The following PAQR4 variants were observed in gnomAD, a reference collection of about 807,000 sequenced individuals.
The protein encoded by PAQR4 is progestin and adipoQ receptor family member 4.
PAQR4 carries 26 observed loss-of-function variants against 20.9 expected under a neutral mutation model. The observed-to-expected ratio is 1.24, with a 90% confidence interval of 0.91 to 1.73. The LOEUF (loss-of-function observed/expected upper bound fraction) is 1.73, where lower values mean the gene tolerates loss of function less well. PAQR4 is among the 40% of genes most tolerant of loss of function. PAQR4 has a pLI of 0.00. For synonymous variants in PAQR4, 193 were observed against 171.6 expected (o/e 1.12, Z -0.97); for missense variants, 400 against 380.1 (o/e 1.05, Z -0.44).
In PAQR4 at chr16:2,972,745, C is replaced by T. The variant is rs373070106; in HGVS notation, c.*797C>T. The T allele has an allele frequency of 2.3e-5, 36 of 1,536,986 alleles. No individual in the cohort carries two copies. The highest frequency in any genetic ancestry group is 1.1e-4 in the African/African-American group (8 of 72,966). ...CTGCAGCAGGGCTCAGCCTCAGGGG[C>T]GTTAAGACCCTGGATGACATCAATA... is the stretch of plus-strand genomic sequence containing the variant. On this transcript the variant is annotated 3_prime_UTR_variant, in exon 3 of 3. Transcript: ENST00000318782.
Position 2,969,564 on chromosome 16 carries a change from T to TGGGCGCCGGGCGCCGGGC in PAQR4, c.-109_-92dup. 1 of 1,254,118 alleles carries TGGGCGCCGGGCGCCGGGC rather than the reference T, an allele frequency of 8.0e-7. No homozygotes were observed. Among genetic ancestry groups the TGGGCGCCGGGCGCCGGGC allele is most frequent in the Middle Eastern group, 2.9e-4 (1 of 3,440 alleles). 77.7% of individuals were successfully genotyped at this position (1,254,118 alleles called of 1,614,324 possible). On this transcript the variant is annotated 5_prime_UTR_variant, in exon 1 of 3. Coordinates refer to ENST00000318782, the MANE Select transcript of PAQR4 (RefSeq NM_152341.5). ...CGCCGATCGAGCGCAGGGCGATGGG[T>TGGGCGCCGGGCGCCGGGC]GGGCGCCGGGCGCCGGGCGCCAGGC...
rs977012588 is a variant in PAQR4 at position 2,971,545 on chromosome 16, C to T, written c.419C>T (p.Ala140Val). The change falls in exon 3 of 3, where the codon GCC (alanine) becomes GTC (valine). Residue 140 changes from alanine (A) to valine (V), a missense_variant. By Grantham distance (64) the Ala-to-Val change is moderately conservative (BLOSUM62 0). Transcript: ENST00000318782. ...CTGCCCATCATCCACTGCACCCTGG[C>T]CTGCAGGCCCTGGCTGCGCCCGGCT... is the stretch of plus-strand genomic sequence containing the variant. ...GALPIIHCTLACRPWLRPAAL... is the reference protein window; with the variant it reads ...GALPIIHCTLVCRPWLRPAAL... 1.4e-5 allele frequency: 23 copies of T among 1,592,808 alleles called. No homozygotes were observed. Among genetic ancestry groups the T allele is most frequent in the Non-Finnish European group, 2.0e-5 (23 of 1,175,166 alleles).
rs766356438 is a variant in PAQR4 at position 2,971,587 on chromosome 16, CTG to C, written c.465_466del (p.Leu156ValfsTer78). On this transcript the variant is annotated frameshift_variant, in exon 3 of 3. Coordinates refer to ENST00000318782, the MANE Select transcript of PAQR4 (RefSeq NM_152341.5). LOFTEE classifies it high-confidence loss of function. The stretch of plus-strand genomic sequence containing the variant: ...CGCCCGGCTGCCCTGGTGGGCTACA[CTG>C]TGTTGTCGGGTGTGGCCGGCTGGCG... 5.2e-5 allele frequency: 84 copies of C among 1,601,630 alleles called. 1 individual carries two copies. In the South Asian group the frequency reaches 8.1e-4, roughly 15 times the overall value.
In PAQR4 at chr16:2,971,594, G is replaced by A. The variant is rs1379306730; in HGVS notation, c.468G>A (p.Leu156=). 6.2e-7 allele frequency: 1 copy of A among 1,602,244 alleles called. No individual in the cohort carries two copies. Among genetic ancestry groups the A allele is most frequent in the Non-Finnish European group, 8.5e-7 (1 of 1,179,786 alleles). The change falls in exon 3 of 3, where the codon TTG becomes TTA. Residue 156 remains leucine, a synonymous_variant. Coordinates refer to ENST00000318782, the MANE Select transcript of PAQR4 (RefSeq NM_152341.5). The part of the protein sequence containing the change: ...RPAALVGYTV[L]SGVAGWRALT... The stretch of plus-strand genomic sequence containing the variant: ...CTGCCCTGGTGGGCTACACTGTGTT[G>A]TCGGGTGTGGCCGGCTGGCGTGCTC...
In PAQR4 at chr16:2,971,305, C is replaced by A; in HGVS notation, c.315C>A (p.His105Gln). The change falls in exon 2 of 3, where the codon CAC (histidine) becomes CAA (glutamine). Residue 105 changes from histidine (H) to glutamine (Q), a missense_variant. Transcript: ENST00000318782. ...TGCTCTATCACCTCTTTATGTGCCACCAAGGGGGCAGCGCTGTGTACGCCC... is the reference window on the plus strand; with the variant it reads ...TGCTCTATCACCTCTTTATGTGCCAACAAGGGGGCAGCGCTGTGTACGCCC... Reference protein sequence around the residue: ...GSVLYHLFMCHQGGSAVYARL... With the variant: ...GSVLYHLFMCQQGGSAVYARL... The A allele has an allele frequency of 6.2e-7, 1 of 1,612,740 alleles. No individual in the cohort carries two copies. The highest frequency in any genetic ancestry group is 8.5e-7 in the Non-Finnish European group (1 of 1,180,016).
chr16:2,973,453 G>A lies in PAQR4; in HGVS notation c.*1505G>A. The stretch of plus-strand genomic sequence containing the variant: ...CTTTTCAGAACACATGGACTTGGAG[G>A]CAGATTTGAAATAAACTTTTAGTAA... On this transcript the variant is annotated 3_prime_UTR_variant, in exon 3 of 3. Coordinates refer to ENST00000318782, the MANE Select transcript of PAQR4 (RefSeq NM_152341.5). The A allele has an allele frequency of 3.9e-6, 6 of 1,519,584 alleles. No homozygotes were observed. The highest frequency in any genetic ancestry group is 1.2e-5 in the South Asian group (1 of 82,218). The allele number at this position is 1,519,584 out of a possible 1,614,324, so 94.1% of individuals were successfully genotyped here.
Position 2,972,543 on chromosome 16 carries a change from CAG to C in PAQR4, c.*596_*597del. 1 of 1,403,672 alleles carries C rather than the reference CAG, an allele frequency of 7.1e-7. No homozygotes were observed. The highest frequency in any genetic ancestry group is 9.5e-7 in the Non-Finnish European group (1 of 1,047,590). 87.0% of individuals were successfully genotyped at this position (1,403,672 alleles called of 1,614,324 possible). A position where few individuals can be genotyped will look rare whatever the true frequency, so the allele number is the denominator to read the frequency against. On this transcript the variant is annotated 3_prime_UTR_variant, in exon 3 of 3. Coordinates refer to ENST00000318782, the MANE Select transcript of PAQR4 (RefSeq NM_152341.5). The stretch of plus-strand genomic sequence containing the variant: ...AGCTGCTTCTTCCAGGAAACTGACA[CAG>C]GGAGCTCAGCGGCCTCAGATCCTGG...
rs1388327365 is a variant in PAQR4, at chr16:2,972,579, G to A, written c.*631G>A. The A allele has an allele frequency of 2.0e-6, 3 of 1,520,318 alleles. No homozygotes were observed. In the African/African-American group the frequency reaches 4.1e-5, roughly 21 times the overall value. The allele number at this position is 1,520,318 out of a possible 1,614,324, so 94.2% of individuals were successfully genotyped here. On this transcript the variant is annotated 3_prime_UTR_variant, in exon 3 of 3. Coordinates refer to ENST00000318782, the MANE Select transcript of PAQR4 (RefSeq NM_152341.5). ...GCGGCCTCAGATCCTGGGACCCCTGGGCCGTGCCTGCCCTCCACCTTGAGT... is the reference window on the plus strand; with the variant it reads ...GCGGCCTCAGATCCTGGGACCCCTGAGCCGTGCCTGCCCTCCACCTTGAGT...
At position 2,973,043 on chromosome 16, in the gene PAQR4, G is replaced by A; in HGVS notation, c.*1095G>A. ...AGCCCCGAGGAGGCTCTGAGTTGATGTCACTTAGGTCCAGGGCATCCCTGG... is the reference window on the plus strand; with the variant it reads ...AGCCCCGAGGAGGCTCTGAGTTGATATCACTTAGGTCCAGGGCATCCCTGG... On this transcript the variant is annotated 3_prime_UTR_variant, in exon 3 of 3. Coordinates refer to ENST00000318782, the MANE Select transcript of PAQR4 (RefSeq NM_152341.5). 2.5e-6 allele frequency: 4 copies of A among 1,607,608 alleles called. No homozygotes were observed. Among genetic ancestry groups the A allele is most frequent in the East Asian group, 4.5e-5 (2 of 44,718 alleles).
intron 1 of PAQR4, 33 bp downstream of exon 1, chr16:2,969,873 C>A: frequency 6.2e-7 from 1 of 1,604,938 alleles, no homozygotes; most frequent in African/African-American, 1.4e-5. Flanking sequence ...CTTCCCACAC[C>A]CCCGGCCGCC....
chr16:2,972,660 C>T lies in PAQR4; in HGVS notation c.*712C>T, dbSNP rs541425075. ...CGGGGGATGTGCCTGCTCAGGAAAC[C>T]TCTTTGCTCCACACAGCATGGGGCT... On this transcript the variant is annotated 3_prime_UTR_variant, in exon 3 of 3. Coordinates refer to ENST00000318782, the MANE Select transcript of PAQR4 (RefSeq NM_152341.5). 1.8e-5 allele frequency: 28 copies of T among 1,535,780 alleles called. No homozygotes were observed. In the Admixed American group the frequency reaches 2.2e-4, roughly 12 times the overall value.
rs913438955 is a variant in PAQR4 at position 2,973,066 on chromosome 16, T to C, written c.*1118T>C. 1.3e-6 allele frequency: 2 copies of C among 1,597,942 alleles called. No individual in the cohort carries two copies. The highest frequency in any genetic ancestry group is 2.7e-5 in the African/African-American group (2 of 74,832). ...ATGTCACTTAGGTCCAGGGCATCCC[T>C]GGGAGGAGAGAGTAGTGACACTCAG... On this transcript the variant is annotated 3_prime_UTR_variant, in exon 3 of 3. Coordinates refer to ENST00000318782, the MANE Select transcript of PAQR4 (RefSeq NM_152341.5).
chr16:2,971,649 C>T lies in PAQR4; in HGVS notation c.523C>T (p.Arg175Trp), dbSNP rs770031998. ...LTAPSTSARL[R>W]AFGWQAAARL... ...CGCCCCCTCCACCAGTGCTCGGCTC[C>T]GGGCATTTGGATGGCAGGCTGCTGC... Residue 175 changes from arginine to tryptophan, a missense_variant, in exon 3 of 3, where the codon CGG (arginine) becomes TGG (tryptophan). Coordinates refer to ENST00000318782, the MANE Select transcript of PAQR4 (RefSeq NM_152341.5). 3.9e-5 allele frequency: 62 copies of T among 1,609,772 alleles called. No homozygotes were observed. Among genetic ancestry groups the T allele is most frequent in the Non-Finnish European group, 4.8e-5 (57 of 1,179,878 alleles).
Position 2,971,683 on chromosome 16 carries a change from TG to T in PAQR4, c.559del (p.Val187TyrfsTer33). ...AFGWQAAARL[L>X]VFGARGVGLG... is the part of the protein sequence containing the mutation. Reference sequence around the variant, plus strand: ...GGATGGCAGGCTGCTGCCCGCCTACTGGTATTTGGGGCCCGGGGAGTGGGTC... The same window carrying T: ...GGATGGCAGGCTGCTGCCCGCCTACTGTATTTGGGGCCCGGGGAGTGGGTC... On this transcript the variant is annotated frameshift_variant, in exon 3 of 3. Coordinates refer to ENST00000318782, the MANE Select transcript of PAQR4 (RefSeq NM_152341.5). LOFTEE classifies it high-confidence loss of function. The T allele has an allele frequency of 6.2e-7, 1 of 1,612,074 alleles. No homozygotes were observed. Among genetic ancestry groups the T allele is most frequent in the Non-Finnish European group, 8.5e-7 (1 of 1,179,852 alleles).
Position 2,973,186 on chromosome 16 carries a change from G to C in PAQR4, c.*1238G>C. 6.6e-7 allele frequency: 1 copy of C among 1,523,706 alleles called. No homozygotes were observed. The highest frequency in any genetic ancestry group is 8.8e-7 in the Non-Finnish European group (1 of 1,130,780). 94.4% of individuals were successfully genotyped at this position (1,523,706 alleles called of 1,614,324 possible). A position where few individuals can be genotyped will look rare whatever the true frequency, so the allele number is the denominator to read the frequency against. On this transcript the variant is annotated 3_prime_UTR_variant, in exon 3 of 3. Transcript: ENST00000318782. ...GGTGGAGGTGCTCCCCACAGTCCGG[G>C]CCAGGACAGCCTCAGGGGAGAGTGA...
rs1240861538 is a variant in PAQR4, at chr16:2,971,355, G to A, written c.365G>A (p.Gly122Glu). 4.3e-6 allele frequency: 7 copies of A among 1,610,446 alleles called. No homozygotes were observed. In the South Asian group the frequency reaches 7.7e-5, roughly 18 times the overall value. ...YARLLALDMCGVCLVNTLGAL... is the reference protein window; with the variant it reads ...YARLLALDMCEVCLVNTLGAL... ...CGGCTCCTCGCCCTGGACATGTGTG[G>A]GGTCTGCCTTGTCAACACCCTTGGT... The change falls in exon 2 of 3, where the codon GGG becomes GAG. Residue 122 changes from glycine to glutamate, a missense_variant. Physicochemically the swap from Gly to Glu is moderately conservative, Grantham distance 98. Transcript: ENST00000318782.
chr16:2,972,689 G>C lies in PAQR4; in HGVS notation c.*741G>C, dbSNP rs774531102. 5.4e-4 allele frequency: 836 copies of C among 1,535,818 alleles called. No homozygotes were observed. The highest frequency in any genetic ancestry group is 1.0e-3 in the Admixed American group (51 of 50,978). ...TTGCTCCACACAGCATGGGGCTTCA[G>C]CTGCTGGCCCAAGGCCAGGAGCGCT... On this transcript the variant is annotated 3_prime_UTR_variant, in exon 3 of 3. Transcript: ENST00000318782.
rs1397010871 is a variant in PAQR4, at chr16:2,973,439, A to C, written c.*1491A>C. ...AGGCCCCCTCTGTCCTTTTCAGAAC[A>C]CATGGACTTGGAGGCAGATTTGAAA... On this transcript the variant is annotated 3_prime_UTR_variant, in exon 3 of 3. Transcript: ENST00000318782. 3 of 1,528,524 alleles carry C rather than the reference A, an allele frequency of 2.0e-6. No individual in the cohort carries two copies. The highest frequency in any genetic ancestry group is 4.9e-5 in the East Asian group (2 of 40,546). 94.7% of individuals were successfully genotyped at this position (1,528,524 alleles called of 1,614,324 possible). A position where few individuals can be genotyped will look rare whatever the true frequency, so the allele number is the denominator to read the frequency against.
chr16:2,970,030 G>A (rs2071938495), intron 1 of PAQR4, 190 bp downstream of exon 1: 1 of 771,296 alleles, frequency 1.3e-6, no homozygotes, highest in Non-Finnish European at 2.0e-6. Context: ...TTTCCCGGCG[G>A]GTGGGGGCCG....
Sources: gnomAD v4.1 joint callset for allele counts on GRCh38, gnomAD v4.1.1 for gene constraint, MANE v1.5 for transcripts, NCBI Gene and HGNC (gene_info 2026-07-23, HGNC 2026-07-21) for gene names.